FANK1: variants seen among roughly 807,000 people sequenced by gnomAD.
The protein encoded by FANK1 is fibronectin type 3 and ankyrin repeat domains protein 1.
FANK1 carries 44 observed loss-of-function variants against 45.3 expected under a neutral mutation model. The observed-to-expected ratio is 0.97, with a 90% CI of 0.76 to 1.25. FANK1 has a LOEUF of 1.25. Ranked by LOEUF, FANK1 falls within the 50% of genes most tolerant of loss-of-function variation. The pLI is 0.00. For missense variants in FANK1, 391 were observed against 424.4 expected (o/e 0.92, Z 0.69); for synonymous variants, 149 against 152.5 (o/e 0.98, Z 0.17).
intron 1 of FANK1, among the ~76,000 whole-genome samples, chr10:125,957,017 C>T (rs571527972): frequency 1.1e-4 from 16 of 152,268 alleles, no homozygotes; most frequent in African/African-American, 3.6e-4. Flanking sequence ...TGCCAGCACA[C>T]CCGGCTGTTT....
chr10:125,966,118 T>A (rs1253918364), intron 1 of FANK1, among the ~76,000 whole-genome samples: 1 of 152,170 alleles, frequency 6.6e-6, no homozygotes, highest in Non-Finnish European at 1.5e-5. Flanking sequence ...TTTTATTGTT[T>A]TTGCTATTTG....
chr10:125,937,619 A>G (rs1401746617), intron 1 of FANK1, among the ~76,000 whole-genome samples: 5 of 152,188 alleles, frequency 3.3e-5, no homozygotes, highest in African/African-American at 7.2e-5. Flanking sequence ...ATTAAAAAAT[A>G]AATAGGATGA....
intron 1 of FANK1, chr10:125,972,078 G>A (rs1183729781): frequency 6.6e-6 from 1 of 152,140 alleles, no homozygotes; most frequent in Non-Finnish European, 1.5e-5. Context: ...ACTTCTCTGT[G>A]CCTCAGATTG....
chr10:125,959,903 T>C (rs1267659890), intron 1 of FANK1, among the ~76,000 whole-genome samples: 1 of 152,220 alleles, frequency 6.6e-6, no homozygotes, highest in Non-Finnish European at 1.5e-5. Flanking sequence ...GAGGTACATT[T>C]TGACGTATCT....
intron 1 of FANK1, among the ~76,000 whole-genome samples, chr10:125,918,531 C>G (rs71490745): frequency 1.9e-5 from 2 of 107,428 alleles, no homozygotes; most frequent in African/African-American, 7.2e-5. Flanking sequence ...GCACTCCAGT[C>G]TGGTGACAGA....
intron 1 of FANK1, among the ~76,000 whole-genome samples, chr10:125,951,898 G>C (rs1455147663): frequency 6.6e-6 from 1 of 152,166 alleles, no homozygotes; most frequent in Non-Finnish European, 1.5e-5. Context: ...GTTGAGCCCT[G>C]TAATTGTGTA....
intron 6 of FANK1, chr10:126,004,023 C>T (rs901564518): frequency 3.0e-4 from 45 of 151,890 alleles, no homozygotes; most frequent in Admixed American, 1.8e-3. Flanking sequence ...AATTTTATTG[C>T]CTGAATCAAT....
intron 8 of FANK1, among the ~76,000 whole-genome samples, 174 bp from the exon 9 acceptor site, chr10:126,008,880 G>C (rs1953439837): frequency 6.6e-6 from 1 of 152,308 alleles, no homozygotes; most frequent in Non-Finnish European, 1.5e-5. Context: ...CTCTGGAGTT[G>C]CTACCATACA....
intron 1 of FANK1, among the ~76,000 whole-genome samples, chr10:125,899,124 G>C (rs1470059355): frequency 2.6e-5 from 4 of 152,210 alleles, no homozygotes; most frequent in Admixed American, 6.5e-5. Flanking sequence ...GCAATGATGT[G>C]ATCTTGGCTT....
rs141637864 is a variant in FANK1 at position 125,914,756 on chromosome 10, C to A, written c.13+18101C>A. On this transcript the variant is annotated intron_variant, in intron 1 of 10. Coordinates refer to ENST00000368693, the MANE Select transcript of FANK1 (RefSeq NM_145235.5). ...AAAATGTGTGGTCTGAAGCTGTAGTCTCCTAGTTTGTGAGCTTATTTTCGC... is the reference window on the plus strand; with the variant it reads ...AAAATGTGTGGTCTGAAGCTGTAGTATCCTAGTTTGTGAGCTTATTTTCGC... 2.8e-3 allele frequency among the ~76,000 whole-genome samples: 424 copies of A among 152,228 alleles called. 2 individuals carry two copies. The highest frequency in any genetic ancestry group is 9.8e-3 in the African/African-American group (408 of 41,528).
chr10:125,994,369 A>G (rs1226429542), intron 3 of FANK1: 1 of 984,886 alleles, frequency 1.0e-6, no homozygotes, highest in Non-Finnish European at 1.2e-6. Flanking sequence ...TGGCATGTAC[A>G]TTACTTAGGT....
intron 1 of FANK1, among the ~76,000 whole-genome samples, chr10:125,903,710 C>G (rs1342387173): frequency 6.6e-6 from 1 of 151,190 alleles, no homozygotes; most frequent in Non-Finnish European, 1.5e-5. Flanking sequence ...TAAACATATT[C>G]AGGCTAGTGC....
At chr10:125,919,065 GAGCT>G (rs1046600075) in intron 1 of FANK1, among the ~76,000 whole-genome samples, 25 of 152,106 alleles carry the variant, frequency 1.6e-4, no homozygotes, top group Non-Finnish European at 3.4e-4. Context: ...TCACTGAAGA[GAGCT>G]AGGAGTCAGC....
chr10:125,919,195 A>ATTTTTTTTTTTTTTTTTTTTTT lies in FANK1; in HGVS notation c.13+22547_13+22568dup, dbSNP rs142716284. 2.5e-3 allele frequency among the ~76,000 whole-genome samples: 128 copies of ATTTTTTTTTTTTTTTTTTTTTT among 51,876 alleles called. 17 individuals are homozygous for ATTTTTTTTTTTTTTTTTTTTTT. The highest frequency in any genetic ancestry group is 2.8e-3 in the Non-Finnish European group (84 of 29,814). The allele number at this position is 51,876 out of a possible 152,430, so 34.0% of individuals were successfully genotyped here. On this transcript the variant is annotated intron_variant, in intron 1 of 10. Transcript: ENST00000368693. The stretch of plus-strand genomic sequence containing the variant: ...AGTAAAATACTTCCAGGAGGTAAGA[A>ATTTTTTTTTTTTTTTTTTTTTT]TTTTTTTTTTTTTTTTTTTTTTTTT...
At chr10:125,991,793 A>G (rs1348334759) in intron 3 of FANK1, among the ~76,000 whole-genome samples, 1 of 152,330 alleles carries the variant, frequency 6.6e-6, no homozygotes, top group African/African-American at 2.4e-5. Flanking sequence ...ACTGCTTTTA[A>G]TAAAGACTTA....
Position 125,990,995 on chromosome 10 carries a change from C to G in FANK1, c.316+2320C>G, listed in dbSNP as rs1019563488. ...ATGGGAAAGCCCCACCCCCATGATT[C>G]AGTTACCTCCCACCAGGTCACTCCC... On this transcript the variant is annotated intron_variant, in intron 3 of 10. Transcript: ENST00000368693. Among the ~76,000 whole-genome samples the G allele has an allele frequency of 3.3e-5, 5 of 152,296 alleles. 1 individual carries two copies. The Middle Eastern group carries it at 0.017, about 518-fold the overall frequency.
At chr10:125,993,668 T>G (rs558983482) in intron 3 of FANK1, among the ~76,000 whole-genome samples, 1 of 152,310 alleles carries the variant, frequency 6.6e-6, no homozygotes, top group African/African-American at 2.4e-5. Context: ...GAGCATGGCA[T>G]GAACTCCCTT....
chr10:125,927,839 C>T (rs199913240), intron 1 of FANK1, among the ~76,000 whole-genome samples: 1 of 152,188 alleles, frequency 6.6e-6, no homozygotes, highest in Admixed American at 6.5e-5. Context: ...AGCCACTGTG[C>T]CCGGCCCTAA....
intron 1 of FANK1, among the ~76,000 whole-genome samples, chr10:125,919,618 T>C (rs1360519114): frequency 6.6e-6 from 1 of 152,084 alleles, no homozygotes; most frequent in African/African-American, 2.4e-5. Flanking sequence ...CTCATGGTGG[T>C]TGCTGTTATT....
Sources: allele counts gnomAD v4.1 joint callset (sites outside exome capture counted in the v4.1 genomes callset), GRCh38; gene constraint gnomAD v4.1.1; transcripts MANE v1.5; gene names NCBI Gene and HGNC (gene_info 2026-07-23, HGNC 2026-07-21).